PALS1: variants seen among roughly 807,000 people sequenced by gnomAD.
The protein encoded by PALS1 is protein associated with LIN7 1, MAGUK p55 family member.
A neutral mutation model predicts 78.9 loss-of-function variants in PALS1; 31 were observed. That is an observed-to-expected ratio of 0.39 (90% CI 0.30 to 0.53). The LOEUF (loss-of-function observed/expected upper bound fraction) is 0.53. Ranked by LOEUF, PALS1 falls within the 20% of genes least tolerant of loss-of-function variation. The probability of loss-of-function intolerance (pLI) is 0.67; values close to 1 mark genes in which losing one functional copy is unlikely to be tolerated. For missense variants in PALS1, 704 were observed against 826.5 expected (o/e 0.85, Z 1.82); for synonymous variants, 276 against 270.9 (o/e 1.02, Z -0.18).
In PALS1 at chr14:67,334,218, C is replaced by T. The variant is rs2085494160; in HGVS notation, c.*1262C>T. 2 of 152,610 alleles carry T rather than the reference C, an allele frequency of 1.3e-5. No homozygotes were observed. Among genetic ancestry groups the T allele is most frequent in the South Asian group, 4.1e-4 (2 of 4,828 alleles). 9.5% of individuals were successfully genotyped at this position (152,610 alleles called of 1,614,324 possible). ...TCTGCCTCTTATGACGAGAATGCAACAGCTTGGTAAATCATAAAAGAAACA... is the reference window on the plus strand; with the variant it reads ...TCTGCCTCTTATGACGAGAATGCAATAGCTTGGTAAATCATAAAAGAAACA... On this transcript the variant is annotated 3_prime_UTR_variant, in exon 15 of 15. Transcript: ENST00000261681.
At position 67,262,649 on chromosome 14, in the gene PALS1, T is replaced by C. The variant is rs2084257108; in HGVS notation, c.-236-7052T>C. On this transcript the variant is annotated intron_variant, in intron 1 of 14. Coordinates refer to ENST00000261681, the MANE Select transcript of PALS1 (RefSeq NM_022474.4). Reference sequence around the variant, plus strand: ...AACTCTGGTTACAGTATAGAGTAGATTTAGCTTTCAGAAAATCTGTTTTGT... The same window carrying C: ...AACTCTGGTTACAGTATAGAGTAGACTTAGCTTTCAGAAAATCTGTTTTGT... 1.1e-4 allele frequency among the ~76,000 whole-genome samples: 16 copies of C among 152,324 alleles called. No individual in the cohort carries two copies. The South Asian group carries it at 3.3e-3, about 32-fold the overall frequency.
intron 8 of PALS1, among the ~76,000 whole-genome samples, chr14:67,306,650 G>A (rs1156380776): frequency 6.6e-6 from 1 of 152,168 alleles, no homozygotes; most frequent in Non-Finnish European, 1.5e-5. Flanking sequence ...TTACAGGCAT[G>A]AGCCACCATG....
chr14:67,277,006 A>C (rs946128942), intron 2 of PALS1, among the ~76,000 whole-genome samples: 8 of 152,226 alleles, frequency 5.3e-5, no homozygotes, highest in Non-Finnish European at 7.3e-5. Context: ...GAGAGGGTTA[A>C]GAGTTTTAAT....
rs969080582 is a variant in PALS1 at position 67,334,611 on chromosome 14, A to ATTAAG, written c.*1658_*1662dup. The ATTAAG allele has an allele frequency of 1.3e-5, 2 of 152,562 alleles. No individual in the cohort carries two copies. Among genetic ancestry groups the ATTAAG allele is most frequent in the African/African-American group, 4.8e-5 (2 of 41,402 alleles). 9.5% of individuals were successfully genotyped at this position (152,562 alleles called of 1,614,324 possible). ...TTTTCTGTTCAAATTTGCATGGCCT[A>ATTAAG]TTAAGTTGGCTGGAGAGTGTTTTAT... is the stretch of plus-strand genomic sequence containing the variant. On this transcript the variant is annotated 3_prime_UTR_variant, in exon 15 of 15. Transcript: ENST00000261681.
chr14:67,264,092 G>A (rs1185116546), intron 1 of PALS1, among the ~76,000 whole-genome samples: 1 of 152,120 alleles, frequency 6.6e-6, no homozygotes, highest in Non-Finnish European at 1.5e-5. Context: ...GAACATATAA[G>A]GTTGGTGTAA....
intron 4 of PALS1, among the ~76,000 whole-genome samples, chr14:67,300,959 TG>T (rs1372739113): frequency 6.6e-6 from 1 of 152,184 alleles, no homozygotes; most frequent in Non-Finnish European, 1.5e-5. Flanking sequence ...CTCAAAGTGC[TG>T]GGATTACAGG....
Position 67,302,104 on chromosome 14 carries a change from C to A in PALS1, c.787C>A (p.Arg263Ser). The A allele has an allele frequency of 6.2e-7, 1 of 1,601,036 alleles. No individual in the cohort carries two copies. The highest frequency in any genetic ancestry group is 8.5e-7 in the Non-Finnish European group (1 of 1,174,508). The change falls in exon 6 of 15, where the codon CGT becomes AGT. Residue 263 changes from arginine (R) to serine (S), a missense_variant. Arg to Ser is a moderately radical substitution (Grantham distance 110). Transcript: ENST00000261681. ...TVKIVRIEKA[R>S]DIPLGATVRN... Reference sequence around the variant, plus strand: ...AAAAATAGTTCGTATAGAAAAGGCTCGTGATATTCCGTTGGTAAGTGTCCC... The same window carrying A: ...AAAAATAGTTCGTATAGAAAAGGCTAGTGATATTCCGTTGGTAAGTGTCCC...
intron 1 of PALS1, among the ~76,000 whole-genome samples, chr14:67,262,370 C>T (rs886832675): frequency 6.6e-6 from 1 of 152,088 alleles, no homozygotes; most frequent in African/African-American, 2.4e-5. Context: ...ATCCCCGCCT[C>T]GAATCCAGAG....
intron 4 of PALS1, among the ~76,000 whole-genome samples, chr14:67,297,759 C>A (rs1351683646): frequency 6.6e-6 from 1 of 152,152 alleles, no homozygotes; most frequent in Non-Finnish European, 1.5e-5. Flanking sequence ...GACTTCCTAT[C>A]CTCTCTTCCT....
intron 1 of PALS1, among the ~76,000 whole-genome samples, chr14:67,254,760 C>G (rs969331500): frequency 2.0e-5 from 3 of 152,144 alleles, no homozygotes; most frequent in Non-Finnish European, 4.4e-5. Context: ...ATTTGCATAC[C>G]AATAAGCGAT....
intron 2 of PALS1, among the ~76,000 whole-genome samples, chr14:67,274,304 G>A (rs967147119): frequency 1.3e-5 from 2 of 152,144 alleles, no homozygotes; most frequent in Non-Finnish European, 1.5e-5. Context: ...TTTGTATAAG[G>A]TGTAAGGAAG....
chr14:67,329,775 A>C (rs923083863), intron 14 of PALS1, among the ~76,000 whole-genome samples: 1 of 152,034 alleles, frequency 6.6e-6, no homozygotes, highest in Non-Finnish European at 1.5e-5. Flanking sequence ...CTGGCTACTG[A>C]AGAGGCCGAG....
chr14:67,273,457 CT>C, intron 2 of PALS1, among the ~76,000 whole-genome samples: 1 of 152,192 alleles, frequency 6.6e-6, no homozygotes, highest in Middle Eastern at 3.4e-3. Flanking sequence ...TGAACTCATC[CT>C]TTTTTATGGC....
At chr14:67,279,701 A>C in intron 3 of PALS1, 164 bp downstream of exon 3, 1 of 591,058 alleles carries the variant, frequency 1.7e-6, no homozygotes. Context: ...ACTATTGTTT[A>C]CTGTTACCAA....
intron 3 of PALS1, among the ~76,000 whole-genome samples, chr14:67,283,862 G>T (rs1246129438): frequency 6.6e-6 from 1 of 152,180 alleles, no homozygotes; most frequent in Non-Finnish European, 1.5e-5. Flanking sequence ...TTAAGCAGTA[G>T]TAGGTTTTAA....
At chr14:67,314,643 C>T (rs1023640805) in intron 9 of PALS1, among the ~76,000 whole-genome samples, 1 of 152,148 alleles carries the variant, frequency 6.6e-6, no homozygotes, top group Admixed American at 6.5e-5. Context: ...GAACTTTAGC[C>T]CATAAATGTT....
At chr14:67,291,418 A>T (rs1254273176) in intron 3 of PALS1, among the ~76,000 whole-genome samples, 2 of 151,988 alleles carry the variant, frequency 1.3e-5, no homozygotes, top group African/African-American at 4.8e-5. Flanking sequence ...CGAAGTAGCT[A>T]GGATTACAGG....
intron 2 of PALS1, among the ~76,000 whole-genome samples, chr14:67,273,054 A>C (rs1263933821): frequency 6.7e-6 from 1 of 148,302 alleles, no homozygotes; most frequent in East Asian, 1.9e-4. Flanking sequence ...AGGTGCTTTC[A>C]GTCTGTTCTC....
In PALS1 at chr14:67,292,656, A is replaced by T. The variant is rs2084791009; in HGVS notation, c.513A>T (p.Val171=). Residue 171 remains valine (V), a synonymous_variant, in exon 4 of 15, where the codon GTA becomes GTT. Coordinates refer to ENST00000261681, the MANE Select transcript of PALS1 (RefSeq NM_022474.4). The part of the protein sequence containing the change: ...NAFKIHNAIT[V]HMNKASPPFP... Reference sequence around the variant, plus strand: ...TTAAGATACACAATGCCATCACAGTACACATGAACAAGGCCAGTCCTCCAT... The same window carrying T: ...TTAAGATACACAATGCCATCACAGTTCACATGAACAAGGCCAGTCCTCCAT... 1 of 1,613,806 alleles carries T rather than the reference A, an allele frequency of 6.2e-7. No individual in the cohort carries two copies. The highest frequency in any genetic ancestry group is 8.5e-7 in the Non-Finnish European group (1 of 1,179,800).
Sources: allele counts gnomAD v4.1 joint callset (sites outside exome capture counted in the v4.1 genomes callset), GRCh38; gene constraint gnomAD v4.1.1; transcripts MANE v1.5; gene names NCBI Gene and HGNC (gene_info 2026-07-23, HGNC 2026-07-21).